PLCB4: variants seen among roughly 807,000 people sequenced by gnomAD.
PLCB4 encodes phospholipase C beta 4.
In PLCB4, 77 loss-of-function variants were observed where a neutral mutation model predicts 178.8. The ratio of observed to expected loss-of-function variants is 0.43; its 90% confidence interval spans 0.36 to 0.52. The LOEUF is 0.52. PLCB4 is among the 20% of genes least tolerant of loss of function. The pLI, the probability that PLCB4 is intolerant of heterozygous loss-of-function variation, is 0.00. For synonymous variants in PLCB4, 496 were observed against 490.8 expected (o/e 1.01, Z -0.14); for missense variants, 1,024 against 1,453.4 (o/e 0.70, Z 4.80).
At chr20:9,174,198 G>A (rs997690935) in intron 2 of PLCB4, among the ~76,000 whole-genome samples, 1 of 152,088 alleles carries the variant, frequency 6.6e-6, no homozygotes, top group African/African-American at 2.4e-5. Context: ...GAGTTCAGTG[G>A]CGTGATCATG....
intron 2 of PLCB4, among the ~76,000 whole-genome samples, chr20:9,134,908 A>G (rs892762422): frequency 6.6e-6 from 1 of 152,114 alleles, no homozygotes. Context: ...TATGTCAAGC[A>G]CCAATTTTTT....
At chr20:9,121,750 G>A (rs1207406445) in intron 2 of PLCB4, among the ~76,000 whole-genome samples, 1 of 152,100 alleles carries the variant, frequency 6.6e-6, no homozygotes, top group Non-Finnish European at 1.5e-5. Flanking sequence ...ATGGGTAAAG[G>A]ACATCAGTTT....
At chr20:9,227,607 C>T (rs1055976426) in intron 3 of PLCB4, among the ~76,000 whole-genome samples, 1 of 152,076 alleles carries the variant, frequency 6.6e-6, no homozygotes, top group Non-Finnish European at 1.5e-5. Context: ...CATCTTGGCA[C>T]CCTTGTCAGG....
intron 2 of PLCB4, among the ~76,000 whole-genome samples, chr20:9,181,501 C>T (rs749420188): frequency 5.3e-5 from 8 of 152,052 alleles, no homozygotes; most frequent in Non-Finnish European, 8.8e-5. Flanking sequence ...CATTTCTTAC[C>T]GTTGTGGAGG....
At chr20:9,106,065 C>G (rs2091350667) in intron 2 of PLCB4, among the ~76,000 whole-genome samples, 1 of 151,978 alleles carries the variant, frequency 6.6e-6, no homozygotes, top group Non-Finnish European at 1.5e-5. Context: ...TCAACAAAGG[C>G]TGATATTTCC....
chr20:9,436,910 G>T (rs2041808295), intron 29 of PLCB4, 92 bp from the exon 30 acceptor site: 1 of 1,199,464 alleles, frequency 8.3e-7, no homozygotes, highest in Non-Finnish European at 1.2e-6. Flanking sequence ...GAGTATGGTA[G>T]AAGTTTACTG....
chr20:9,471,656 C>G (rs1383872760), intron 36 of PLCB4, among the ~76,000 whole-genome samples: 5 of 152,180 alleles, frequency 3.3e-5, no homozygotes, highest in African/African-American at 4.8e-5. Flanking sequence ...GAAAAACACT[C>G]TACCTCACCA....
chr20:9,183,127 T>C (rs1050647375), intron 2 of PLCB4, among the ~76,000 whole-genome samples: 4 of 152,086 alleles, frequency 2.6e-5, no homozygotes, highest in African/African-American at 9.7e-5. Context: ...ACATAAGTGG[T>C]GTCCCAGAGT....
At chr20:9,376,808 G>C (rs1270772811) in intron 12 of PLCB4, among the ~76,000 whole-genome samples, 5 of 152,160 alleles carry the variant, frequency 3.3e-5, no homozygotes, top group African/African-American at 9.7e-5. Context: ...ACAAGGAAGA[G>C]AGGGAAAAGG....
intron 3 of PLCB4, among the ~76,000 whole-genome samples, chr20:9,251,708 TACTGGCAATAATAAATG>T (rs147657661): frequency 0.25 from 38,045 of 151,992 alleles, 5,049 homozygotes; most frequent in East Asian, 0.37. Flanking sequence ...TTAGATGGAT[TACTGGCAATAATAAATG>T]ACTGGCAATA....
Position 9,421,445 on chromosome 20 carries a change from C to A in PLCB4, c.2303C>A (p.Ser768Ter). The stretch of plus-strand genomic sequence containing the variant: ...CTCAATCCAGTTTACAATGAAGAGT[C>A]ATTTGTATTTCGGAAGGTAGGACAT... ...NGLNPVYNEE[S>*]FVFRKVILPD... Residue 768 changes from serine to a stop codon, truncating the protein, a stop_gained, in exon 27 of 40, where the codon TCA becomes TAA. Transcript: ENST00000378473. LOFTEE classifies it high-confidence loss of function. 1 of 1,612,998 alleles carries A rather than the reference C, an allele frequency of 6.2e-7. No homozygotes were observed. The highest frequency in any genetic ancestry group is 1.1e-5 in the South Asian group (1 of 90,882).
chr20:9,315,863 G>C (rs1336112477), intron 4 of PLCB4, among the ~76,000 whole-genome samples: 1 of 151,988 alleles, frequency 6.6e-6, no homozygotes, highest in East Asian at 1.9e-4. Flanking sequence ...AACCTGGAAG[G>C]CAGAGGTTGC....
At chr20:9,283,180 A>C (rs1354528093) in intron 3 of PLCB4, among the ~76,000 whole-genome samples, 1 of 152,112 alleles carries the variant, frequency 6.6e-6, no homozygotes, top group East Asian at 1.9e-4. Flanking sequence ...ATCTTCAGGC[A>C]GAAACCATTG....
chr20:9,312,422 G>A (rs1425411189), intron 4 of PLCB4, among the ~76,000 whole-genome samples: 1 of 150,730 alleles, frequency 6.6e-6, no homozygotes, highest in East Asian at 1.9e-4. Flanking sequence ...ACACGTGGTG[G>A]AGGAAAACTG....
At chr20:9,465,250 C>T (rs1346875421) in intron 35 of PLCB4, among the ~76,000 whole-genome samples, 1 of 152,164 alleles carries the variant, frequency 6.6e-6, no homozygotes, top group East Asian at 1.9e-4. Flanking sequence ...ATGCTAAAAA[C>T]TCTCAATAAA....
At chr20:9,373,742 TGATA>T (rs778471250) in intron 12 of PLCB4, among the ~76,000 whole-genome samples, 24 of 151,332 alleles carry the variant, frequency 1.6e-4, no homozygotes, top group Non-Finnish European at 2.8e-4. Flanking sequence ...CAACCAAAAC[TGATA>T]GATAGAATTG....
chr20:9,105,205 A>G (rs1302384502), intron 2 of PLCB4, among the ~76,000 whole-genome samples: 4 of 152,174 alleles, frequency 2.6e-5, no homozygotes. Flanking sequence ...TAAATATTAG[A>G]CAATATTATT....
At chr20:9,214,981 A>G (rs2093713321) in intron 2 of PLCB4, among the ~76,000 whole-genome samples, 1 of 152,210 alleles carries the variant, frequency 6.6e-6, no homozygotes, top group African/African-American at 2.4e-5. Flanking sequence ...GTCTTTGATT[A>G]CGAAATGACT....
intron 4 of PLCB4, among the ~76,000 whole-genome samples, chr20:9,330,800 G>A (rs527671220): frequency 1.3e-5 from 2 of 152,250 alleles, no homozygotes; most frequent in East Asian, 1.9e-4. Context: ...CCATCATCAC[G>A]GTAAATCCGT....
Sources: gnomAD v4.1 joint callset for allele counts (sites outside exome capture counted in the v4.1 genomes callset) on GRCh38, gnomAD v4.1.1 for gene constraint, MANE v1.5 for transcripts, NCBI Gene and HGNC (gene_info 2026-07-23, HGNC 2026-07-21) for gene names.